JMJD1C: variants seen among roughly 807,000 people sequenced by gnomAD.
JMJD1C encodes the protein jumonji domain-containing protein 1C.
A neutral mutation model predicts 245.3 loss-of-function variants in JMJD1C; 31 were observed. That is an observed-to-expected ratio of 0.13 (90% CI 0.09 to 0.17). The LOEUF is 0.17. Among genes scored for constraint, JMJD1C ranks in the 10% least tolerant of loss-of-function variants. JMJD1C has a pLI of 1.00. For missense variants in JMJD1C, 2,691 were observed against 3,000.2 expected (o/e 0.90, Z 2.41); for synonymous variants, 1,057 against 1,017.4 (o/e 1.04, Z -0.74).
At chr10:63,310,152 C>CA (rs1465253879) in intron 2 of JMJD1C, among the ~76,000 whole-genome samples, 4 of 152,078 alleles carry the variant, frequency 2.6e-5, no homozygotes, top group Non-Finnish European at 5.9e-5. Context: ...CAGCATAATA[C>CA]AAGACTCCAA....
At chr10:63,459,636 CAG>C (rs1390432194) in intron 1 of JMJD1C, among the ~76,000 whole-genome samples, 7 of 152,126 alleles carry the variant, frequency 4.6e-5, no homozygotes, top group African/African-American at 7.2e-5. Flanking sequence ...TGAAAATCAT[CAG>C]AGTTATACAA....
intron 2 of JMJD1C, among the ~76,000 whole-genome samples, chr10:63,323,061 G>A (rs969142603): frequency 6.6e-6 from 1 of 151,986 alleles, no homozygotes; most frequent in Non-Finnish European, 1.5e-5. Flanking sequence ...GTAGAGAAGA[G>A]AGAAAAGGAA....
intron 2 of JMJD1C, among the ~76,000 whole-genome samples, chr10:63,286,966 A>G (rs1036086847): frequency 3.3e-5 from 5 of 152,198 alleles, no homozygotes; most frequent in Admixed American, 6.5e-5. Context: ...CCTCAAAAGA[A>G]GACACGAGAA....
intron 4 of JMJD1C, among the ~76,000 whole-genome samples, chr10:63,218,152 C>T (rs1312747368): frequency 1.3e-5 from 2 of 152,046 alleles, no homozygotes; most frequent in Admixed American, 6.5e-5. Flanking sequence ...ATTTAATTCT[C>T]TCTCCTAAGT....
In JMJD1C at chr10:63,207,314, G is replaced by A. The variant is rs749463991; in HGVS notation, c.4355C>T (p.Thr1452Ile). The change falls in exon 10 of 26, where the codon ACC (threonine) becomes ATC (isoleucine). Residue 1452 changes from threonine (T) to isoleucine (I), a missense_variant. Coordinates refer to ENST00000399262, the MANE Select transcript of JMJD1C (RefSeq NM_032776.3). Reference protein sequence around the residue: ...VAQKQECKVSTTAPVTLASSK... With the variant: ...VAQKQECKVSITAPVTLASSK... ...ACTGGCTAATGTAACTGGTGCTGTG[G>A]TGCTGACCTTGCATTCTTGTTTTTG... 1.2e-6 allele frequency: 2 copies of A among 1,613,574 alleles called. No homozygotes were observed. The highest frequency in any genetic ancestry group is 1.7e-6 in the Non-Finnish European group (2 of 1,180,002).
Position 63,186,369 on chromosome 10 carries a change from A to G in JMJD1C, c.6585T>C (p.Ser2195=). Residue 2195 remains serine (S), a synonymous_variant, in exon 19 of 26, where the codon TCT becomes TCC. Transcript: ENST00000399262. ...TAATGTTCATTTTCTTATGCACACC[A>G]GAAACCACTGCAGGCTTATAAATAG... ...CWKQGQPAVV[S]GVHKKMNISL... is the part of the protein sequence containing the mutation. 8 of 1,609,492 alleles carry G rather than the reference A, an allele frequency of 5.0e-6. No individual in the cohort carries two copies. The highest frequency in any genetic ancestry group is 5.1e-6 in the Non-Finnish European group (6 of 1,178,094).
chr10:63,390,334 A>G (rs1034500115), intron 1 of JMJD1C, among the ~76,000 whole-genome samples: 12 of 152,186 alleles, frequency 7.9e-5, no homozygotes, highest in Admixed American at 7.9e-4. Flanking sequence ...ATCAGGAAGA[A>G]ATAGAAAATC....
intron 1 of JMJD1C, among the ~76,000 whole-genome samples, chr10:63,421,933 TTC>T (rs1329718347): frequency 1.9e-4 from 29 of 152,312 alleles, no homozygotes; most frequent in Non-Finnish European, 1.5e-4. Context: ...GAAAATTAAT[TTC>T]TGTTTTTAAG....
In JMJD1C at chr10:63,208,242, G is replaced by T; in HGVS notation, c.3427C>A (p.Leu1143Ile). Reference protein sequence around the residue: ...PQTLTSFITSLSKPPPLIKHQ... With the variant: ...PQTLTSFITSISKPPPLIKHQ... ...TTAATCAAAGGTGGAGGCTTTGAAA[G>T]AGATGTTATAAATGAAGTCAGAGTT... The change falls in exon 10 of 26, where the codon CTT becomes ATT. Residue 1143 changes from leucine (L) to isoleucine (I), a missense_variant. This residue lies in a region of JMJD1C where 1,562 missense variants were observed against 1,490.7 expected (regional missense o/e 1.05). Coordinates refer to ENST00000399262, the MANE Select transcript of JMJD1C (RefSeq NM_032776.3). 1 of 1,613,998 alleles carries T rather than the reference G, an allele frequency of 6.2e-7. No individual in the cohort carries two copies. Among genetic ancestry groups the T allele is most frequent in the Non-Finnish European group, 8.5e-7 (1 of 1,179,912 alleles).
intron 2 of JMJD1C, among the ~76,000 whole-genome samples, chr10:63,311,655 A>G (rs912568340): frequency 4.6e-5 from 7 of 152,236 alleles, no homozygotes; most frequent in African/African-American, 1.7e-4. Flanking sequence ...CAATTTATAC[A>G]GTATGTCAGG....
intron 3 of JMJD1C, among the ~76,000 whole-genome samples, chr10:63,229,652 G>C (rs946678677): frequency 2.0e-5 from 3 of 151,956 alleles, no homozygotes; most frequent in African/African-American, 7.3e-5. Context: ...ACTGGAAATA[G>C]TCTAGAAATG....
intron 2 of JMJD1C, among the ~76,000 whole-genome samples, chr10:63,375,183 CT>C (rs67008681): frequency 2.3e-3 from 215 of 92,958 alleles, no homozygotes; most frequent in African/African-American, 6.7e-3. Flanking sequence ...TAAAAATTGG[CT>C]TTTTTTTTTT....
At chr10:63,474,941 G>A (rs1292401153) in intron 1 of JMJD1C, among the ~76,000 whole-genome samples, 1 of 152,154 alleles carries the variant, frequency 6.6e-6, no homozygotes, top group Non-Finnish European at 1.5e-5. Context: ...TCTAATGAAT[G>A]CTGATAGAAG....
intron 13 of JMJD1C, among the ~76,000 whole-genome samples, chr10:63,196,362 C>G (rs1285893423): frequency 6.6e-6 from 1 of 152,072 alleles, no homozygotes; most frequent in Non-Finnish European, 1.5e-5. Flanking sequence ...TTTATGGTAG[C>G]TTACATCAAA....
intron 2 of JMJD1C, among the ~76,000 whole-genome samples, chr10:63,334,190 G>A (rs1942455103): frequency 6.6e-6 from 1 of 152,164 alleles, no homozygotes; most frequent in Non-Finnish European, 1.5e-5. Context: ...AGAATCACAA[G>A]TTTTGATGAA....
At position 63,193,123 on chromosome 10, in the gene JMJD1C, T is replaced by C. The variant is rs770406797; in HGVS notation, c.5891A>G (p.Asn1964Ser). 4 of 1,613,374 alleles carry C rather than the reference T, an allele frequency of 2.5e-6. No individual in the cohort carries two copies. The African/African-American group carries it at 4.0e-5, about 16-fold the overall frequency. The stretch of plus-strand genomic sequence containing the variant: ...CTCAGGCATGCACAGAGAAATTTTA[T>C]TACTGTGATTAAGAACATTCTGTAA... ...QVLQNVLNHSNKISLCMPESQ... is the reference protein window; with the variant it reads ...QVLQNVLNHSSKISLCMPESQ... Residue 1964 changes from asparagine (N) to serine (S), a missense_variant, in exon 16 of 26, where the codon AAT (asparagine) becomes AGT (serine). Coordinates refer to ENST00000399262, the MANE Select transcript of JMJD1C (RefSeq NM_032776.3).
At chr10:63,248,834 A>G (rs182153792) in intron 3 of JMJD1C, among the ~76,000 whole-genome samples, 116 of 152,366 alleles carry the variant, frequency 7.6e-4, no homozygotes, top group African/African-American at 2.5e-3. Flanking sequence ...CTAAGTGCTC[A>G]TCAATGGACG....
At chr10:63,421,952 G>A (rs1230013510) in intron 1 of JMJD1C, among the ~76,000 whole-genome samples, 2 of 152,120 alleles carry the variant, frequency 1.3e-5, no homozygotes, top group East Asian at 3.9e-4. Context: ...TAAGCTACCT[G>A]TCTATGATAT....
At position 63,268,611 on chromosome 10, in the gene JMJD1C, CAA is replaced by C. The variant is rs1172979691; in HGVS notation, c.334-3849_334-3848del. The C allele has an allele frequency of 5.9e-5, 44 of 746,526 alleles. 1 individual carries two copies. The South Asian group carries it at 2.3e-3, about 38-fold the overall frequency. 46.2% of individuals were successfully genotyped at this position (746,526 alleles called of 1,614,324 possible). On this transcript the variant is annotated intron_variant, in intron 2 of 25. Transcript: ENST00000399262. ...AATTTCTCAGGCTGAGAAGAAAAACCAAATGTAAATTAAGACAAAAGAAAAAG... is the reference window on the plus strand; with the variant it reads ...AATTTCTCAGGCTGAGAAGAAAAACCATGTAAATTAAGACAAAAGAAAAAG...
Sources: allele counts gnomAD v4.1 joint callset (sites outside exome capture counted in the v4.1 genomes callset), GRCh38; gene constraint gnomAD v4.1.1; regional missense constraint gnomAD v4.1.1; transcripts MANE v1.5; gene names NCBI Gene and HGNC (gene_info 2026-07-23, HGNC 2026-07-21).